The following UNC79 variants were observed in gnomAD, a reference collection of about 807,000 sequenced individuals.
UNC79 encodes the protein unc-79 subunit of NALCN channel complex, also known as protein unc-79 homolog.
A neutral mutation model predicts 283.1 loss-of-function variants in UNC79; 37 were observed. The observed-to-expected ratio is 0.13, with a 90% CI of 0.10 to 0.17. UNC79 has a LOEUF of 0.17. UNC79 is among the 10% of genes least tolerant of loss of function. UNC79 has a pLI of 1.00. For synonymous variants in UNC79, 1,107 were observed against 1,200.2 expected (o/e 0.92, Z 1.61); for missense variants, 2,272 against 3,211.1 (o/e 0.71, Z 7.07).
chr14:93,645,823 C>A (rs955830059), intron 34 of UNC79, among the ~76,000 whole-genome samples: 1 of 152,110 alleles, frequency 6.6e-6, no homozygotes, highest in Non-Finnish European at 1.5e-5. Flanking sequence ...GGTCTGTAAA[C>A]AACACAACTG....
chr14:93,707,100 GC>G, downstream of UNC79: 1 of 528,532 alleles, frequency 1.9e-6, no homozygotes, highest in Non-Finnish European at 3.2e-6. Flanking sequence ...GACTCCTTGG[GC>G]TATCTGATTA....
intron 1 of UNC79, among the ~76,000 whole-genome samples, chr14:93,438,757 C>T (rs1048499613): frequency 6.6e-6 from 1 of 151,530 alleles, no homozygotes; most frequent in Non-Finnish European, 1.5e-5. Flanking sequence ...CAGGAAAAAG[C>T]CTCATAGTAT....
At chr14:93,607,684 G>A (rs887899582) in intron 26 of UNC79, among the ~76,000 whole-genome samples, 27 of 152,152 alleles carry the variant, frequency 1.8e-4, no homozygotes, top group African/African-American at 5.8e-4. Context: ...CCCATCTCTC[G>A]TGGGACTCGC....
chr14:93,466,879 G>A, intron 1 of UNC79: 10 of 985,354 alleles, frequency 1.0e-5, no homozygotes, highest in Non-Finnish European at 1.2e-5. Flanking sequence ...TCAGGAATGT[G>A]GACAATGCTG....
chr14:93,516,539 C>T (rs1376575325), intron 7 of UNC79, among the ~76,000 whole-genome samples: 1 of 151,596 alleles, frequency 6.6e-6, no homozygotes, highest in Non-Finnish European at 1.5e-5. Flanking sequence ...CTCTGCCTCT[C>T]CGGTTCAAGT....
intron 1 of UNC79, among the ~76,000 whole-genome samples, chr14:93,385,837 T>C (rs936404347): frequency 7.2e-5 from 11 of 152,174 alleles, no homozygotes; most frequent in African/African-American, 2.7e-4. Context: ...GCTGCAGCTT[T>C]ACTGAATTTG....
intron 40 of UNC79, among the ~76,000 whole-genome samples, chr14:93,669,261 A>G (rs566234159): frequency 6.6e-6 from 1 of 152,144 alleles, no homozygotes; most frequent in South Asian, 2.1e-4. Context: ...AAAGTGAACA[A>G]AACATTTTCT....
intron 5 of UNC79, among the ~76,000 whole-genome samples, chr14:93,495,095 G>C (rs1450214850): frequency 6.6e-6 from 1 of 152,150 alleles, no homozygotes; most frequent in Admixed American, 6.5e-5. Flanking sequence ...ACTGAGTCAC[G>C]TGGCCATCTC....
intron 7 of UNC79, among the ~76,000 whole-genome samples, chr14:93,497,617 C>T (rs1199156146): frequency 6.6e-6 from 1 of 152,190 alleles, no homozygotes; most frequent in African/African-American, 2.4e-5. Flanking sequence ...TTAGCAGAAA[C>T]CCCAACTAGC....
intron 1 of UNC79, among the ~76,000 whole-genome samples, chr14:93,350,621 G>A (rs11851971): frequency 0.072 from 10,980 of 152,182 alleles, 825 homozygotes; most frequent in African/African-American, 0.19. Flanking sequence ...CATTAAAACA[G>A]GGGTTACTTA....
intron 1 of UNC79, among the ~76,000 whole-genome samples, chr14:93,390,147 A>T (rs2054856429): frequency 6.6e-6 from 1 of 152,244 alleles, no homozygotes; most frequent in Non-Finnish European, 1.5e-5. Context: ...CTGAAATGAA[A>T]TATTTGTTTA....
At chr14:93,481,127 T>C (rs1043916945) in intron 4 of UNC79, among the ~76,000 whole-genome samples, 6 of 152,316 alleles carry the variant, frequency 3.9e-5, no homozygotes, top group South Asian at 2.1e-4. Context: ...TATTTTAGAA[T>C]GAGTCCTTTT....
chr14:93,670,629 T>C (rs58722735), intron 40 of UNC79, among the ~76,000 whole-genome samples: 2,060 of 152,328 alleles, frequency 0.014, 45 homozygotes, highest in African/African-American at 0.047. Context: ...CCCTTTTCTT[T>C]TGGGTTTTTA....
chr14:93,414,941 A>G (rs1167120993), intron 1 of UNC79, among the ~76,000 whole-genome samples: 1 of 152,190 alleles, frequency 6.6e-6, no homozygotes, highest in African/African-American at 2.4e-5. Flanking sequence ...GGGGTTTTCT[A>G]GATACACAGT....
At chr14:93,475,809 G>T in intron 3 of UNC79, among the ~76,000 whole-genome samples, 1 of 152,330 alleles carries the variant, frequency 6.6e-6, no homozygotes, top group Admixed American at 6.5e-5. Context: ...TGCAATCTGT[G>T]TAATTGCAAT....
chr14:93,645,766 TA>T (rs2069528223), intron 34 of UNC79, among the ~76,000 whole-genome samples: 1 of 152,126 alleles, frequency 6.6e-6, no homozygotes, highest in African/African-American at 2.4e-5. Flanking sequence ...CTGTTTAGTT[TA>T]CTTGTCAATG....
At chr14:93,622,799 T>C (rs1402159149) in exon 30 of UNC79, 1 of 1,614,066 alleles carries the variant, frequency 6.2e-7, no homozygotes, top group Non-Finnish European at 8.5e-7. Flanking sequence ...CCTCGACATC[T>C]CCTTCAACAT....
rs547551626 is a variant in UNC79, at chr14:93,617,768, G to A, written c.4225-424G>A. Among the ~76,000 whole-genome samples the A allele has an allele frequency of 1.3e-4, 20 of 152,248 alleles. No homozygotes were observed. The highest frequency in any genetic ancestry group is 3.3e-4 in the Admixed American group (5 of 15,288). ...TAAAAATAAGGCCATGGGGGAGGGC[G>A]TGGTGGCTCACTGCTGTAATCCCAG... On this transcript the variant is annotated intron_variant, in intron 28 of 48. Transcript: ENST00000555664. This position sits in a 1 kb window ranked among gnomAD's most constrained non-coding sequence, Gnocchi z 4.5.
intron 35 of UNC79, among the ~76,000 whole-genome samples, chr14:93,647,951 G>A (rs543072817): frequency 9.9e-5 from 15 of 152,280 alleles, no homozygotes; most frequent in Admixed American, 4.6e-4. Flanking sequence ...ATCAGATCTC[G>A]TGAGACTTAT....
Sources: gnomAD v4.1 joint callset for allele counts (sites outside exome capture counted in the v4.1 genomes callset) on GRCh38, gnomAD v4.1.1 for gene constraint, Gnocchi (gnomAD v3.1) non-coding constraint, MANE v1.5 for transcripts, NCBI Gene and HGNC (gene_info 2026-07-23, HGNC 2026-07-21) for gene names.